Variants in XRN1 observed in about 807,000 individuals in gnomAD.
The protein encoded by XRN1 is 5'-3' exoribonuclease 1, also known as strand-exchange protein 1 homolog.
Under a neutral mutation model 222.3 loss-of-function variants are expected in XRN1, and 67 were observed. That is an observed-to-expected ratio of 0.30 (90% CI 0.25 to 0.37). The LOEUF (loss-of-function observed/expected upper bound fraction) is 0.37, where lower values mean the gene tolerates loss of function less well. Among genes scored for constraint, XRN1 ranks in the 10% least tolerant of loss-of-function variants. The pLI is 1.00. For missense variants in XRN1, 1,707 were observed against 2,000.2 expected, an observed-to-expected ratio of 0.85 and a Z score of 2.80; for synonymous variants, 643 against 652.4, an observed-to-expected ratio of 0.99 and a Z score of 0.22.
At chr3:142,410,407 A>C (rs549883369) in intron 15 of XRN1, among the ~76,000 whole-genome samples, 1 of 152,180 alleles carries the variant, frequency 6.6e-6, no homozygotes, top group South Asian at 2.1e-4. Context: ...TTACATTGCA[A>C]ACTAACTTTG....
Position 142,397,370 on chromosome 3 carries a change from T to A in XRN1, c.2298A>T (p.Glu766Asp). Reference sequence around the variant, plus strand: ...GTACTTCTTTTGCCCAGTTAGATTGTTCTTTATCTCCAAGATGAACCACTT... The same window carrying A: ...GTACTTCTTTTGCCCAGTTAGATTGATCTTTATCTCCAAGATGAACCACTT... ...PSKVVHLGDK[E>D]QSNWAKEVQG... is the part of the protein sequence containing the mutation. The change falls in exon 20 of 41, where the codon GAA becomes GAT. Residue 766 changes from glutamate to aspartate, a missense_variant. Glu to Asp is a conservative substitution (Grantham distance 45). Coordinates refer to ENST00000392981, the MANE Select transcript of XRN1 (RefSeq NM_001282857.2). 1 of 1,606,140 alleles carries A rather than the reference T, an allele frequency of 6.2e-7. No homozygotes were observed. The highest frequency in any genetic ancestry group is 8.5e-7 in the Non-Finnish European group (1 of 1,175,464).
At chr3:142,400,839 C>T (rs2068102510) in intron 18 of XRN1, among the ~76,000 whole-genome samples, 2 of 152,090 alleles carry the variant, frequency 1.3e-5, no homozygotes, top group Admixed American at 1.3e-4. Context: ...ATCGCTTGAA[C>T]CCAGGAGGCG....
At chr3:142,404,445 GAA>G (rs11316843) in intron 16 of XRN1, among the ~76,000 whole-genome samples, 2 of 151,480 alleles carry the variant, frequency 1.3e-5, no homozygotes, top group Non-Finnish European at 2.9e-5. Flanking sequence ...TGAGAGAAGA[GAA>G]AAAAAAGGAA....
intron 16 of XRN1, 82 bp from the exon 17 acceptor site, chr3:142,404,071 C>A: frequency 8.4e-7 from 1 of 1,188,848 alleles, no homozygotes; most frequent in Non-Finnish European, 1.2e-6. Flanking sequence ...TTGTATATTT[C>A]GTAAGAGTCA....
intron 27 of XRN1, among the ~76,000 whole-genome samples, chr3:142,367,939 C>T: frequency 1.7e-4 from 1 of 5,830 alleles, no homozygotes; most frequent in South Asian, 3.4e-3. Flanking sequence ...TAACATAATC[C>T]TGAAAGAAAA....
Position 142,311,289 on chromosome 3 carries a change from G to T in XRN1, c.*222C>A, listed in dbSNP as rs1374780544. 8.1e-6 allele frequency: 3 copies of T among 368,556 alleles called. No homozygotes were observed. The highest frequency in any genetic ancestry group is 4.2e-5 in the Admixed American group (1 of 23,798). 22.8% of individuals were successfully genotyped at this position (368,556 alleles called of 1,614,324 possible). A position where few individuals can be genotyped will look rare whatever the true frequency, so the allele number is the denominator to read the frequency against. On this transcript the variant is annotated 3_prime_UTR_variant, in exon 41 of 41. Transcript: ENST00000392981. ...AGTTTTTTATTACAGATTTATTGAGGTATAATTGACATACAACAAACTGCA... is the reference window on the plus strand; with the variant it reads ...AGTTTTTTATTACAGATTTATTGAGTTATAATTGACATACAACAAACTGCA...
chr3:142,374,374 C>A (rs1305382391), intron 25 of XRN1, among the ~76,000 whole-genome samples: 1 of 152,116 alleles, frequency 6.6e-6, no homozygotes, highest in African/African-American at 2.4e-5. Context: ...CCTGATCTGT[C>A]TGACCATAGT....
intron 24 of XRN1, 27 bp from the exon 25 acceptor site, chr3:142,375,971 CGTG>C: frequency 1.9e-6 from 3 of 1,576,204 alleles, no homozygotes; most frequent in South Asian, 2.3e-5. Context: ...CATGCGCACA[CGTG>C]CACACACACA....
intron 29 of XRN1, among the ~76,000 whole-genome samples, chr3:142,363,270 T>G (rs1165051145): frequency 1.3e-5 from 2 of 152,194 alleles, no homozygotes; most frequent in East Asian, 3.9e-4. Context: ...TGTCTAATTG[T>G]TCCAACACCA....
intron 1 of XRN1, among the ~76,000 whole-genome samples, chr3:142,443,883 A>G (rs116419363): frequency 0.012 from 1,796 of 152,376 alleles, 24 homozygotes; most frequent in Middle Eastern, 0.027. Flanking sequence ...TACACAATGG[A>G]GTACTATTCA....
chr3:142,353,234 A>G (rs1290896216), intron 32 of XRN1, among the ~76,000 whole-genome samples: 1 of 152,202 alleles, frequency 6.6e-6, no homozygotes, highest in Non-Finnish European at 1.5e-5. Context: ...AACTAAAAAA[A>G]CCCTAAAGCT....
rs575945764 is a variant in XRN1, at chr3:142,311,376, C to T, written c.*135G>A. 2.3e-6 allele frequency: 2 copies of T among 860,978 alleles called. No homozygotes were observed. Among genetic ancestry groups the T allele is most frequent in the East Asian group, 5.6e-5 (2 of 35,840 alleles). The allele number at this position is 860,978 out of a possible 1,614,324, so 53.3% of individuals were successfully genotyped here. ...AAACAGCATGAAAAGTGCCTGATAA[C>T]TTAAAAATGAAAAAAATTTCAATTT... On this transcript the variant is annotated 3_prime_UTR_variant, in exon 41 of 41. Transcript: ENST00000392981.
chr3:142,373,318 T>C (rs919884625), intron 25 of XRN1, among the ~76,000 whole-genome samples: 2 of 151,926 alleles, frequency 1.3e-5, no homozygotes, highest in Non-Finnish European at 2.9e-5. Flanking sequence ...TATAACAATA[T>C]AGGAAATGGA....
chr3:142,420,205 C>T (rs1291629347), intron 10 of XRN1: 2 of 151,646 alleles, frequency 1.3e-5, no homozygotes, highest in Non-Finnish European at 2.9e-5. Flanking sequence ...AAAAAATTGC[C>T]AGGGGAAAGT....
At chr3:142,313,109 CA>C in intron 39 of XRN1, 1 of 1,595,746 alleles carries the variant, frequency 6.3e-7, no homozygotes, top group Non-Finnish European at 8.5e-7. Context: ...AGCTTGGGCA[CA>C]AATAGAGAAA....
chr3:142,372,655 C>G (rs533428674), intron 25 of XRN1, among the ~76,000 whole-genome samples: 8 of 152,338 alleles, frequency 5.3e-5, no homozygotes, highest in African/African-American at 1.9e-4. Flanking sequence ...CTAAAGAGGG[C>G]TCACAGCTGA....
chr3:142,369,374 C>T (rs539312695), intron 27 of XRN1, among the ~76,000 whole-genome samples: 3 of 152,206 alleles, frequency 2.0e-5, no homozygotes, highest in East Asian at 1.9e-4. Flanking sequence ...AGGCCAGGCA[C>T]GGTGGCTCAT....
chr3:142,409,408 C>T (rs1375068571), intron 15 of XRN1, among the ~76,000 whole-genome samples: 1 of 152,224 alleles, frequency 6.6e-6, no homozygotes, highest in Non-Finnish European at 1.5e-5. Flanking sequence ...GTTGTTCTAG[C>T]ACCAACTTTT....
At chr3:142,313,024 C>T (rs866064794) in intron 39 of XRN1, 4 of 1,249,600 alleles carry the variant, frequency 3.2e-6, no homozygotes, top group Non-Finnish European at 3.4e-6. Flanking sequence ...TATGCTGATA[C>T]AAGTTTTAGG....
Sources: gnomAD v4.1 joint callset for allele counts (sites outside exome capture counted in the v4.1 genomes callset) on GRCh38, gnomAD v4.1.1 for gene constraint, MANE v1.5 for transcripts, NCBI Gene and HGNC (gene_info 2026-07-23, HGNC 2026-07-21) for gene names.